Variants in ZCCHC2 observed in about 807,000 individuals in gnomAD.
The protein encoded by ZCCHC2 is zinc finger CCHC-type containing 2.
In ZCCHC2, 39 loss-of-function variants were observed where a neutral mutation model predicts 103.6. That is an observed-to-expected ratio of 0.38 (90% CI 0.29 to 0.49). The LOEUF (loss-of-function observed/expected upper bound fraction) is 0.49. Among genes scored for constraint, ZCCHC2 ranks in the 20% least tolerant of loss-of-function variants. The pLI, the probability that ZCCHC2 is intolerant of heterozygous loss-of-function variation, is 0.96. For synonymous variants in ZCCHC2, 687 were observed against 608.9 expected (o/e 1.13, Z -1.89); for missense variants, 1,483 against 1,491.0 (o/e 0.99, Z 0.09).
intron 4 of ZCCHC2, among the ~76,000 whole-genome samples, chr18:62,549,775 C>T (rs1478010348): frequency 6.6e-6 from 1 of 152,174 alleles, no homozygotes; most frequent in Non-Finnish European, 1.5e-5. Context: ...TCACATGAGG[C>T]ACCTCTGGCG....
chr18:62,574,252 G>A lies in ZCCHC2; in HGVS notation c.2171G>A (p.Cys724Tyr). ...ATTTCTTTTATGCCAACGTTACACT[G>A]TGTCATGCACAATGGTGCCCAGAAG... ...QHISFMPTLHCVMHNGAQKSE... is the reference protein window; with the variant it reads ...QHISFMPTLHYVMHNGAQKSE... Residue 724 changes from cysteine to tyrosine, a missense_variant, in exon 13 of 14, where the codon TGT becomes TAT. By Grantham distance (194) the Cys-to-Tyr change is radical. Transcript: ENST00000269499. 6.2e-7 allele frequency: 1 copy of A among 1,614,044 alleles called. No homozygotes were observed. The highest frequency in any genetic ancestry group is 2.2e-5 in the East Asian group (1 of 44,880).
chr18:62,563,500 T>A (rs1916216046), intron 9 of ZCCHC2, among the ~76,000 whole-genome samples: 2 of 151,860 alleles, frequency 1.3e-5, no homozygotes, highest in African/African-American at 4.8e-5. Flanking sequence ...GTATAAAAAA[T>A]TTAAAAATTA....
intron 8 of ZCCHC2, 51 bp downstream of exon 8, chr18:62,560,695 A>T (rs1916079868): frequency 1.4e-6 from 2 of 1,408,000 alleles, no homozygotes; most frequent in Admixed American, 1.8e-5. Flanking sequence ...TTTTAAAATC[A>T]ATGTAACATT....
At chr18:62,563,193 C>A in intron 9 of ZCCHC2, 49 bp downstream of exon 9, 2 of 1,556,592 alleles carry the variant, frequency 1.3e-6, no homozygotes, top group Admixed American at 1.9e-5. Context: ...CATTGCTCCT[C>A]TATAAGAAAA....
intron 2 of ZCCHC2, among the ~76,000 whole-genome samples, chr18:62,541,373 G>C (rs1012063994): frequency 6.6e-6 from 1 of 152,144 alleles, no homozygotes; most frequent in Non-Finnish European, 1.5e-5. Flanking sequence ...GTGTATTTCT[G>C]TATCTTATGC....
At chr18:62,526,378 C>A (rs1001402861) in intron 1 of ZCCHC2, 2 of 152,310 alleles carry the variant, frequency 1.3e-5, no homozygotes, top group Non-Finnish European at 2.9e-5. Flanking sequence ...GTGTGGTGAA[C>A]TTCTCCAGCA....
At chr18:62,557,830 G>A (rs561401501) in intron 6 of ZCCHC2, among the ~76,000 whole-genome samples, 12 of 152,202 alleles carry the variant, frequency 7.9e-5, no homozygotes, top group Admixed American at 7.9e-4. Context: ...GGGTGTGGCA[G>A]TATTTAAATT....
chr18:62,528,390 C>T (rs1314109202), intron 1 of ZCCHC2, among the ~76,000 whole-genome samples: 12 of 151,988 alleles, frequency 7.9e-5, no homozygotes. Flanking sequence ...GTCAGGAGTT[C>T]GAGACCAGCC....
At chr18:62,553,177 TG>T (rs1915741663) in intron 5 of ZCCHC2, among the ~76,000 whole-genome samples, 1 of 151,026 alleles carries the variant, frequency 6.6e-6, no homozygotes, top group Non-Finnish European at 1.5e-5. Flanking sequence ...TGTGTGTGTG[TG>T]TGTGTGTGTG....
downstream of ZCCHC2, among the ~76,000 whole-genome samples, chr18:62,583,322 T>TGG (rs1917084291): frequency 8.6e-6 from 1 of 116,012 alleles, no homozygotes; most frequent in East Asian, 2.7e-4. Context: ...ATGTATGGAC[T>TGG]GTACAGACAT....
chr18:62,575,299 T>G lies in ZCCHC2; in HGVS notation c.3218T>G (p.Phe1073Cys). The G allele has an allele frequency of 1.2e-6, 2 of 1,613,984 alleles. No individual in the cohort carries two copies. Among genetic ancestry groups the G allele is most frequent in the South Asian group, 2.2e-5 (2 of 91,070 alleles). The change falls in exon 13 of 14, where the codon TTT becomes TGT. Residue 1073 changes from phenylalanine (F) to cysteine (C), a missense_variant. Transcript: ENST00000269499. ...AHQSNGNQLP[F>C]FLPQTPYANG... ...CAGAGCAATGGAAACCAACTTCCTT[T>G]TTTTCTGCCTCAGACTCCATATGCA... is the stretch of plus-strand genomic sequence containing the variant.
intron 1 of ZCCHC2, among the ~76,000 whole-genome samples, chr18:62,531,832 G>A (rs1474876827): frequency 1.3e-5 from 2 of 151,782 alleles, no homozygotes; most frequent in Non-Finnish European, 2.9e-5. Context: ...TGGGTGTGGA[G>A]GCAAGTACCT....
intron 1 of ZCCHC2, among the ~76,000 whole-genome samples, chr18:62,537,502 T>G (rs1375891551): frequency 6.6e-6 from 1 of 152,214 alleles, no homozygotes; most frequent in Non-Finnish European, 1.5e-5. Flanking sequence ...ACTTGACTAT[T>G]CTAGGTATCT....
intron 6 of ZCCHC2, among the ~76,000 whole-genome samples, chr18:62,557,587 A>G (rs1438181488): frequency 6.6e-6 from 1 of 152,264 alleles, no homozygotes; most frequent in Admixed American, 6.5e-5. Context: ...AATGATAACA[A>G]CAGCATTTAT....
rs756357381 is a variant in ZCCHC2 at position 62,539,666 on chromosome 18, C to T, written c.940-15C>T. On this transcript the variant is annotated splice_polypyrimidine_tract_variant and intron_variant, in intron 1 of 13. Transcript: ENST00000269499. ...CCATGGTTTAAGTTAACGTATCTCC[C>T]TCTTTCTCATCTAGAACAACTCTGC... 6.4e-7 allele frequency: 1 copy of T among 1,563,172 alleles called. No homozygotes were observed. The highest frequency in any genetic ancestry group is 8.7e-7 in the Non-Finnish European group (1 of 1,150,992).
intron 4 of ZCCHC2, among the ~76,000 whole-genome samples, 200 bp downstream of exon 4, chr18:62,545,073 C>T (rs976522268): frequency 3.9e-5 from 6 of 151,956 alleles, no homozygotes; most frequent in African/African-American, 1.2e-4. Context: ...AAGGAAATGA[C>T]GAAGGGATTT....
chr18:62,523,376 G>GGGGGGGGGGC lies in ZCCHC2; in HGVS notation c.-49_-48insGGGGGGGGGC. On this transcript the variant is annotated 5_prime_UTR_variant, in exon 1 of 14. Transcript: ENST00000269499. ...GCCTCGGCCCGTGCTCCACCTCGCGGCCCCTCCCGCCCGCCCCCGCTCGCA... is the reference window on the plus strand; with the variant it reads ...GCCTCGGCCCGTGCTCCACCTCGCGGGGGGGGGGGCCCCCTCCCGCCCGCCCCCGCTCGCA... 64 of 1,012,242 alleles carry GGGGGGGGGGC rather than the reference G, an allele frequency of 6.3e-5. No individual in the cohort carries two copies. The highest frequency in any genetic ancestry group is 7.4e-5 in the South Asian group (2 of 27,158). 62.7% of individuals were successfully genotyped at this position (1,012,242 alleles called of 1,614,324 possible). A position where few individuals can be genotyped will look rare whatever the true frequency, so the allele number is the denominator to read the frequency against.
At chr18:62,576,414 G>A in intron 13 of ZCCHC2, 98 bp from the exon 14 acceptor site, 1 of 1,003,464 alleles carries the variant, frequency 1.0e-6, no homozygotes. Flanking sequence ...TGACGAAGGT[G>A]CCTTGTGGAG....
At chr18:62,531,892 GA>G (rs886259313) in intron 1 of ZCCHC2, among the ~76,000 whole-genome samples, 2 of 152,178 alleles carry the variant, frequency 1.3e-5, no homozygotes, top group African/African-American at 4.8e-5. Flanking sequence ...GCTGAGGTGG[GA>G]GGATCACTTG....
Sources: allele counts gnomAD v4.1 joint callset (sites outside exome capture counted in the v4.1 genomes callset), GRCh38; gene constraint gnomAD v4.1.1; transcripts MANE v1.5; gene names NCBI Gene and HGNC (gene_info 2026-07-23, HGNC 2026-07-21).